FAF1: variants seen among roughly 807,000 people sequenced by gnomAD.
FAF1 encodes the protein FAS-associated factor 1.
FAF1 carries 25 observed loss-of-function variants against 92.5 expected under a neutral mutation model. That is an observed-to-expected ratio of 0.27 (90% confidence interval 0.20 to 0.38). The LOEUF (loss-of-function observed/expected upper bound fraction) is 0.38, where lower values mean the gene tolerates loss of function less well. Ranked by LOEUF, FAF1 falls within the 10% of genes least tolerant of loss-of-function variation. FAF1 has a pLI of 1.00. For synonymous variants in FAF1, 234 were observed against 273.2 expected (o/e 0.86, Z 1.42); for missense variants, 636 against 793.3 (o/e 0.80, Z 2.38).
At chr1:50,477,389 G>A (rs1407469969) in intron 17 of FAF1, among the ~76,000 whole-genome samples, 2 of 152,164 alleles carry the variant, frequency 1.3e-5, no homozygotes, top group Non-Finnish European at 2.9e-5. Flanking sequence ...AGATCTGGAA[G>A]GGGCTGCATT....
At chr1:50,650,379 G>A (rs527736186) in intron 8 of FAF1, among the ~76,000 whole-genome samples, 1 of 152,008 alleles carries the variant, frequency 6.6e-6, no homozygotes, top group South Asian at 2.1e-4. Context: ...AGGCCGAGGT[G>A]AGGATCACTT....
intron 2 of FAF1, among the ~76,000 whole-genome samples, chr1:50,807,670 T>C (rs1292563191): frequency 6.6e-6 from 1 of 151,996 alleles, no homozygotes; most frequent in Non-Finnish European, 1.5e-5. Flanking sequence ...GGAAAGAATC[T>C]CAGAGTCTGA....
chr1:50,826,743 TTAGA>T (rs1644102031), intron 2 of FAF1, among the ~76,000 whole-genome samples: 1 of 152,056 alleles, frequency 6.6e-6, no homozygotes, highest in East Asian at 1.9e-4. Flanking sequence ...ATATGAAAAT[TTAGA>T]TAGACAAACT....
Position 50,468,645 on chromosome 1 carries a change from G to A in FAF1, c.1869+6819C>T, listed in dbSNP as rs572109275. Among the ~76,000 whole-genome samples the A allele has an allele frequency of 4.5e-4, 69 of 152,174 alleles. 1 individual carries two copies. In the South Asian group the frequency reaches 7.7e-3, roughly 17 times the overall value. On this transcript the variant is annotated intron_variant, in intron 18 of 18. Transcript: ENST00000396153. ...TGGCTAATTTTTTGTATTTTTAGTAGAGATGGGATTTCACCATCTTGGCCA... is the reference window on the plus strand; with the variant it reads ...TGGCTAATTTTTTGTATTTTTAGTAAAGATGGGATTTCACCATCTTGGCCA...
chr1:50,909,007 C>T (rs943179559), intron 1 of FAF1, among the ~76,000 whole-genome samples: 8 of 152,012 alleles, frequency 5.3e-5, no homozygotes, highest in African/African-American at 1.9e-4. Context: ...TTGCAGTGTC[C>T]AGTATTGGTT....
intron 7 of FAF1, among the ~76,000 whole-genome samples, chr1:50,679,086 CA>C (rs915658806): frequency 4.6e-5 from 7 of 151,720 alleles, no homozygotes; most frequent in African/African-American, 1.7e-4. Context: ...GACTCCGTCT[CA>C]AAAAAAACAC....
chr1:50,878,340 G>GA (rs774798183), intron 1 of FAF1, among the ~76,000 whole-genome samples: 5 of 152,186 alleles, frequency 3.3e-5, no homozygotes, highest in African/African-American at 4.8e-5. Context: ...AGTCCTCAGA[G>GA]AACTAAATTC....
chr1:50,949,912 T>C (rs893952037), intron 1 of FAF1, among the ~76,000 whole-genome samples: 1 of 152,084 alleles, frequency 6.6e-6, no homozygotes, highest in Non-Finnish European at 1.5e-5. Context: ...CCCAGGCTGG[T>C]GTGCAGCGGT....
chr1:50,833,388 G>A (rs530136575), intron 2 of FAF1, among the ~76,000 whole-genome samples: 5 of 152,102 alleles, frequency 3.3e-5, no homozygotes, highest in African/African-American at 1.2e-4. Flanking sequence ...AGATACACAG[G>A]GTGGTAAGGT....
intron 8 of FAF1, among the ~76,000 whole-genome samples, chr1:50,650,576 C>T (rs1654818926): frequency 6.6e-6 from 1 of 152,024 alleles, no homozygotes; most frequent in Non-Finnish European, 1.5e-5. Context: ...GCTGAGATCT[C>T]ACCACCGCAC....
At chr1:50,651,532 T>G (rs1419364761) in intron 8 of FAF1, among the ~76,000 whole-genome samples, 1 of 152,206 alleles carries the variant, frequency 6.6e-6, no homozygotes, top group Non-Finnish European at 1.5e-5. Flanking sequence ...GCAATAAAAG[T>G]ACAAAATGAC....
chr1:50,567,289 A>C, intron 12 of FAF1, 58 bp from the exon 13 acceptor site: 2 of 1,353,852 alleles, frequency 1.5e-6, no homozygotes, highest in Non-Finnish European at 2.0e-6. Flanking sequence ...AGATTTCTTA[A>C]ATTTTAGAGA....
At chr1:50,714,142 T>G (rs1272778744) in intron 6 of FAF1, among the ~76,000 whole-genome samples, 3 of 152,050 alleles carry the variant, frequency 2.0e-5, no homozygotes, top group Admixed American at 6.6e-5. Flanking sequence ...AGACCATATA[T>G]TCATTCTCTC....
At chr1:50,711,448 T>C (rs765006155) in intron 6 of FAF1, among the ~76,000 whole-genome samples, 7 of 150,558 alleles carry the variant, frequency 4.6e-5, no homozygotes, top group Non-Finnish European at 1.0e-4. Flanking sequence ...TTGTGCCTAA[T>C]GTTATCCACA....
intron 1 of FAF1, among the ~76,000 whole-genome samples, chr1:50,873,486 CCAG>C (rs751373349): frequency 2.0e-5 from 3 of 152,134 alleles, no homozygotes; most frequent in South Asian, 2.1e-4. Context: ...TGACAAGACA[CCAG>C]CAGGACTTAC....
intron 4 of FAF1, among the ~76,000 whole-genome samples, chr1:50,780,128 G>C (rs1212298999): frequency 6.6e-6 from 1 of 151,880 alleles, no homozygotes; most frequent in Admixed American, 6.6e-5. Flanking sequence ...AATTTAAATG[G>C]ATTAAACTTC....
chr1:50,631,801 T>C (rs984150564), intron 8 of FAF1, among the ~76,000 whole-genome samples: 17 of 152,124 alleles, frequency 1.1e-4, no homozygotes, highest in African/African-American at 4.1e-4. Flanking sequence ...GTGAAAAACA[T>C]AAACAGAAAA....
At chr1:50,554,979 G>A (rs1317822848) in intron 13 of FAF1, among the ~76,000 whole-genome samples, 3 of 152,012 alleles carry the variant, frequency 2.0e-5, no homozygotes, top group Non-Finnish European at 4.4e-5. Flanking sequence ...TGAGAAAACA[G>A]TTGTAATGAA....
intron 6 of FAF1, among the ~76,000 whole-genome samples, chr1:50,716,000 TG>T (rs2124444052): frequency 6.6e-6 from 1 of 152,334 alleles, no homozygotes; most frequent in African/African-American, 2.4e-5. Context: ...TTTATTGTCT[TG>T]ACTGAGTTTA....
Sources: allele counts gnomAD v4.1 joint callset (sites outside exome capture counted in the v4.1 genomes callset), GRCh38; gene constraint gnomAD v4.1.1; transcripts MANE v1.5; gene names NCBI Gene and HGNC (gene_info 2026-07-23, HGNC 2026-07-21).